The following FBXL13 variants were observed in gnomAD, a reference collection of about 807,000 sequenced individuals.
FBXL13 encodes the protein F-box and leucine-rich repeat protein 13.
In FBXL13, 67 loss-of-function variants were observed where a neutral mutation model predicts 83.6. The observed-to-expected ratio is 0.80, with a 90% CI of 0.66 to 0.98. FBXL13 has a LOEUF of 0.98. FBXL13 is among the 50% of genes least tolerant of loss of function. The pLI is 0.00. For synonymous variants in FBXL13, 272 were observed against 299.5 expected, an observed-to-expected ratio of 0.91 and a Z score of 0.95; for missense variants, 822 against 866.5, an observed-to-expected ratio of 0.95 and a Z score of 0.64.
intron 11 of FBXL13, among the ~76,000 whole-genome samples, chr7:102,889,198 A>G (rs145099582): frequency 6.6e-6 from 1 of 152,288 alleles, no homozygotes; most frequent in Non-Finnish European, 1.5e-5. Flanking sequence ...AAGTTGTGTG[A>G]TCGGAGAACA....
chr7:103,069,069 C>T (rs562079868), intron 1 of FBXL13, among the ~76,000 whole-genome samples: 2 of 149,704 alleles, frequency 1.3e-5, no homozygotes, highest in East Asian at 2.0e-4. Flanking sequence ...CACCTCTGCC[C>T]GGCCGCCCCA....
intron 16 of FBXL13, among the ~76,000 whole-genome samples, chr7:102,875,998 C>T (rs1395846440): frequency 3.3e-5 from 5 of 152,172 alleles, no homozygotes; most frequent in Non-Finnish European, 7.3e-5. Flanking sequence ...CCAACCCTAA[C>T]ATGGAATCTA....
intron 1 of FBXL13, among the ~76,000 whole-genome samples, chr7:103,061,611 T>C (rs1448544436): frequency 1.3e-5 from 2 of 151,998 alleles, no homozygotes; most frequent in Non-Finnish European, 2.9e-5. Flanking sequence ...GATTCTTGCA[T>C]CTCTGACAAA....
intron 1 of FBXL13, among the ~76,000 whole-genome samples, chr7:103,060,916 CT>C (rs1797840492): frequency 6.6e-6 from 1 of 152,226 alleles, no homozygotes; most frequent in Non-Finnish European, 1.5e-5. Flanking sequence ...TGCCATCCCC[CT>C]GTGGGACGGA....
At chr7:103,046,508 C>T (rs934653437) in intron 2 of FBXL13, among the ~76,000 whole-genome samples, 13 of 152,256 alleles carry the variant, frequency 8.5e-5, no homozygotes, top group Admixed American at 3.9e-4. Flanking sequence ...GATTATGAGG[C>T]GACATATATA....
intron 2 of FBXL13, among the ~76,000 whole-genome samples, chr7:103,038,821 A>G (rs907528172): frequency 6.6e-6 from 1 of 152,248 alleles, no homozygotes; most frequent in Non-Finnish European, 1.5e-5. Context: ...GTAGGTCACC[A>G]ACATCAAAGA....
At chr7:102,976,167 G>A (rs1027523253) in intron 6 of FBXL13, 1 of 766,340 alleles carries the variant, frequency 1.3e-6, no homozygotes, top group Non-Finnish European at 2.4e-6. Flanking sequence ...ATAGTGCCTT[G>A]GAACAGACAC....
chr7:103,024,857 A>ATATATATATATAT (rs1298384907), intron 6 of FBXL13, among the ~76,000 whole-genome samples: 1 of 62,854 alleles, frequency 1.6e-5, no homozygotes, highest in African/African-American at 9.0e-5. Context: ...ATATATATAT[A>ATATATATATATAT]TTTTTTTTTT....
chr7:103,058,508 T>A (rs1415094211), intron 1 of FBXL13, among the ~76,000 whole-genome samples: 1 of 152,198 alleles, frequency 6.6e-6, no homozygotes, highest in African/African-American at 2.4e-5. Flanking sequence ...GCTCCCTCAA[T>A]ATCCTTGGTG....
chr7:102,911,416 G>T (rs1272025864), intron 11 of FBXL13, among the ~76,000 whole-genome samples: 2 of 152,138 alleles, frequency 1.3e-5, no homozygotes, highest in Non-Finnish European at 2.9e-5. Context: ...ATAGTTAAGG[G>T]GCAGGCTTAT....
intron 7 of FBXL13, among the ~76,000 whole-genome samples, chr7:102,967,043 C>T (rs1332704005): frequency 6.6e-6 from 1 of 151,962 alleles, no homozygotes; most frequent in Non-Finnish European, 1.5e-5. Context: ...GATCTTGGCT[C>T]ATTGCAACCT....
intron 8 of FBXL13, among the ~76,000 whole-genome samples, chr7:102,940,671 C>G (rs1821248065): frequency 6.6e-6 from 1 of 152,170 alleles, no homozygotes; most frequent in Admixed American, 6.5e-5. Flanking sequence ...ATATCTAGTT[C>G]TAGATCAAGA....
rs1554416343 is a variant in FBXL13 at position 102,851,437 on chromosome 7, T to TCCCTCCTTCCCTCCCTCTCCC, written c.1719+3339_1719+3340insGGGAGAGGGAGGGAAGGAGGG. Reference sequence around the variant, plus strand: ...TTATAGGTTTTTCTTTCTCTCTTTCTTCCCTCCTTCCTTCCTTCCCTCCCT... The same window carrying TCCCTCCTTCCCTCCCTCTCCC: ...TTATAGGTTTTTCTTTCTCTCTTTCTCCCTCCTTCCCTCCCTCTCCCTCCCTCCTTCCTTCCTTCCCTCCCT... On this transcript the variant is annotated intron_variant, in intron 17 of 19. Coordinates refer to ENST00000313221, the Ensembl canonical transcript of FBXL13. Among the ~76,000 whole-genome samples the TCCCTCCTTCCCTCCCTCTCCC allele has an allele frequency of 6.2e-5, 9 of 144,088 alleles. 1 individual carries two copies. Among genetic ancestry groups the TCCCTCCTTCCCTCCCTCTCCC allele is most frequent in the South Asian group, 2.2e-4 (1 of 4,568 alleles). 94.5% of individuals were successfully genotyped at this position (144,088 alleles called of 152,430 possible).
In FBXL13 at chr7:102,864,513, C is replaced by T. The variant is rs553299619; in HGVS notation, c.1636-9653G>A. ...CCTCCCAAATAGCTGTGATTACAGG[C>T]GCCCGCCACCATGCCCAGCTAATTT... is the stretch of plus-strand genomic sequence containing the variant. On this transcript the variant is annotated intron_variant, in intron 16 of 19. Coordinates refer to ENST00000313221, the Ensembl canonical transcript of FBXL13. Among the ~76,000 whole-genome samples the T allele has an allele frequency of 8.5e-5, 13 of 152,190 alleles. No individual in the cohort carries two copies. The East Asian group carries it at 1.9e-3, about 23-fold the overall frequency.
intron 6 of FBXL13, among the ~76,000 whole-genome samples, chr7:102,974,685 C>G (rs935259523): frequency 6.6e-6 from 1 of 152,116 alleles, no homozygotes; most frequent in African/African-American, 2.4e-5. Context: ...ACCCAGATCA[C>G]CTTTCTCCTC....
At chr7:103,054,604 C>T (rs1262515936) in intron 2 of FBXL13, among the ~76,000 whole-genome samples, 4 of 152,142 alleles carry the variant, frequency 2.6e-5, no homozygotes, top group Non-Finnish European at 5.9e-5. Flanking sequence ...ACAATGAGAT[C>T]TGTCTTTTAA....
At position 102,926,380 on chromosome 7, in the gene FBXL13, T is replaced by C. The variant is rs367714594; in HGVS notation, c.778-6A>G. ...ATGTGTCTCATTGATTCATCCTGCA[T>C]GAAAAACAGAGGGAAGAGGCTTATC... is the stretch of plus-strand genomic sequence containing the variant. On this transcript the variant is annotated splice_polypyrimidine_tract_variant and splice_region_variant and intron_variant, in intron 9 of 19. Transcript: ENST00000313221. 2.5e-6 allele frequency: 4 copies of C among 1,609,716 alleles called. No homozygotes were observed. In the Admixed American group the frequency reaches 5.0e-5, roughly 20 times the overall value.
chr7:102,883,282 T>G (rs1810359537), intron 14 of FBXL13, 23 bp downstream of exon 15: 2 of 1,597,288 alleles, frequency 1.3e-6, no homozygotes, highest in Non-Finnish European at 1.7e-6. Context: ...GTTTCTTGAA[T>G]ATATTACTGA....
intron 8 of FBXL13, among the ~76,000 whole-genome samples, chr7:102,956,640 A>G (rs1002045885): frequency 4.6e-5 from 7 of 152,176 alleles, no homozygotes; most frequent in Non-Finnish European, 8.8e-5. Context: ...AAACCCCATC[A>G]TCTCAGCCCA....
Sources: allele counts gnomAD v4.1 joint callset (sites outside exome capture counted in the v4.1 genomes callset), GRCh38; gene constraint gnomAD v4.1.1; transcripts MANE v1.5; gene names NCBI Gene and HGNC (gene_info 2026-07-23, HGNC 2026-07-21).